Variants in SBK1 observed in about 807,000 individuals in gnomAD.
The protein encoded by SBK1 is serine/threonine-protein kinase SBK1.
SBK1 carries 11 observed loss-of-function variants against 24.4 expected under a neutral mutation model. The observed-to-expected ratio is 0.45, with a 90% CI of 0.28 to 0.75. SBK1 has a LOEUF of 0.75. SBK1 is among the 30% of genes least tolerant of loss of function. SBK1 has a pLI of 0.12. For synonymous variants in SBK1, 308 were observed against 284.4 expected (o/e 1.08, Z -0.83); for missense variants, 467 against 620.5 (o/e 0.75, Z 2.63).
intron 1 of SBK1, among the ~76,000 whole-genome samples, chr16:28,305,414 G>A (rs549397880): frequency 3.2e-4 from 49 of 151,996 alleles, no homozygotes; most frequent in Non-Finnish European, 6.2e-4. Context: ...GTTTCACCGT[G>A]TTGGTCAGGC....
At chr16:28,289,322 C>A (rs147600033), upstream of SBK1, among the ~76,000 whole-genome samples, 51 of 152,246 alleles carry the variant, frequency 3.3e-4, no homozygotes, top group Non-Finnish European at 5.6e-4. Flanking sequence ...GAATGAAATC[C>A]GAAACTCCTC....
chr16:28,318,250 G>T (rs947803431), intron 2 of SBK1, among the ~76,000 whole-genome samples: 22 of 152,300 alleles, frequency 1.4e-4, no homozygotes, highest in African/African-American at 5.3e-4. Flanking sequence ...CACCCAGCCA[G>T]CCAGGGGCTG....
In SBK1 at chr16:28,320,786, G is replaced by A. The variant is rs1474136298; in HGVS notation, c.1140G>A (p.Pro380=). 1.4e-6 allele frequency: 2 copies of A among 1,416,202 alleles called. No individual in the cohort carries two copies. The highest frequency in any genetic ancestry group is 2.4e-5 in the Admixed American group (1 of 41,398). The allele number at this position is 1,416,202 out of a possible 1,614,324, so 87.7% of individuals were successfully genotyped here. ...CGGTGCCCTTGCCCGTGCCGGTGCC[G>A]GTGCCAGTGCCCGTGCCGGTGCCTG... ...VGSVPLPVPV[P]VPVPVPVPVP... The change falls in exon 4 of 4, where the codon CCG becomes CCA. Residue 380 remains proline, a synonymous_variant. Transcript: ENST00000341901. This position sits in a 1 kb window ranked among gnomAD's most constrained non-coding sequence, Gnocchi z 8.5.
chr16:28,281,639 TC>T (rs1339975669), intron 1 of SBK1, among the ~76,000 whole-genome samples: 1 of 152,148 alleles, frequency 6.6e-6, no homozygotes, highest in Non-Finnish European at 1.5e-5. Context: ...GGTGCGCACT[TC>T]AGCAAAAGCC....
At chr16:28,299,798 T>A (rs1283088114) in intron 1 of SBK1, among the ~76,000 whole-genome samples, 1 of 152,194 alleles carries the variant, frequency 6.6e-6, no homozygotes, top group African/African-American at 2.4e-5. Flanking sequence ...TGCATCCCAC[T>A]TGGAGTGGAA....
intron 1 of SBK1, among the ~76,000 whole-genome samples, chr16:28,280,281 A>G (rs1370954324): frequency 2.8e-5 from 4 of 143,990 alleles, no homozygotes; most frequent in Non-Finnish European, 6.0e-5. Context: ...GTACATACAT[A>G]TGTATACATA....
At chr16:28,275,846 C>T (rs1295146451) in intron 1 of SBK1, among the ~76,000 whole-genome samples, 2 of 151,654 alleles carry the variant, frequency 1.3e-5, no homozygotes, top group South Asian at 2.1e-4. Flanking sequence ...CACTGCACTC[C>T]AGCACTCTGG....
chr16:28,299,798 T>C (rs1283088114), intron 1 of SBK1, among the ~76,000 whole-genome samples: 5 of 152,194 alleles, frequency 3.3e-5, no homozygotes, highest in African/African-American at 1.2e-4. Flanking sequence ...TGCATCCCAC[T>C]TGGAGTGGAA....
upstream of SBK1, among the ~76,000 whole-genome samples, chr16:28,289,327 C>A (rs2044584894): frequency 6.6e-6 from 1 of 152,200 alleles, no homozygotes; most frequent in Non-Finnish European, 1.5e-5. Context: ...AAATCCGAAA[C>A]TCCTCTACAT....
chr16:28,296,605 TG>T (rs1201905155), intron 1 of SBK1, among the ~76,000 whole-genome samples: 1 of 152,148 alleles, frequency 6.6e-6, no homozygotes, highest in Non-Finnish European at 1.5e-5. Flanking sequence ...CCCACCCCCA[TG>T]GTCAAGTTAG....
intron 1 of SBK1, among the ~76,000 whole-genome samples, chr16:28,267,151 C>T (rs1467538726): frequency 6.6e-6 from 1 of 152,112 alleles, no homozygotes; most frequent in Non-Finnish European, 1.5e-5. Context: ...AGGTGATCCA[C>T]CCACCTCAGC....
intron 1 of SBK1, among the ~76,000 whole-genome samples, chr16:28,306,185 C>G (rs1008764771): frequency 6.6e-6 from 1 of 152,064 alleles, no homozygotes; most frequent in Non-Finnish European, 1.5e-5. Flanking sequence ...GACCCTCTCA[C>G]CCTGGGCTGC....
Position 28,317,378 on chromosome 16 carries a change from C to G in SBK1, c.-7-7C>G. ...CACACTTCATGCTCACCACCCCTACCCAACAGGGAGAAGATGAGCGTGGGC... is the reference window on the plus strand; with the variant it reads ...CACACTTCATGCTCACCACCCCTACGCAACAGGGAGAAGATGAGCGTGGGC... On this transcript the variant is annotated splice_polypyrimidine_tract_variant and splice_region_variant and intron_variant, in intron 1 of 3. Coordinates refer to ENST00000341901, the MANE Select transcript of SBK1 (RefSeq NM_001024401.3). This position sits in a 1 kb window ranked among gnomAD's most constrained non-coding sequence, Gnocchi z 4.2. 1 of 1,609,132 alleles carries G rather than the reference C, an allele frequency of 6.2e-7. No homozygotes were observed. The highest frequency in any genetic ancestry group is 8.5e-7 in the Non-Finnish European group (1 of 1,175,932).
intron 1 of SBK1, among the ~76,000 whole-genome samples, chr16:28,311,560 G>A (rs1049275055): frequency 1.3e-5 from 2 of 151,980 alleles, no homozygotes; most frequent in Non-Finnish European, 2.9e-5. Context: ...AATTAGCTGT[G>A]CACCATGACG....
At chr16:28,293,376 G>A (rs1019761926) in intron 1 of SBK1, 76 bp downstream of exon 1, 1 of 742,618 alleles carries the variant, frequency 1.3e-6, no homozygotes, top group African/African-American at 1.9e-5. Flanking sequence ...GGGGAAGGAA[G>A]TATCGGGTTG....
chr16:28,298,597 A>G (rs560076637), intron 1 of SBK1, among the ~76,000 whole-genome samples: 12 of 152,350 alleles, frequency 7.9e-5, no homozygotes, highest in African/African-American at 2.9e-4. Context: ...GATTAAGTGG[A>G]TCTGTTGCAG....
chr16:28,268,882 TC>T (rs2044446200), intron 1 of SBK1, among the ~76,000 whole-genome samples: 1 of 152,098 alleles, frequency 6.6e-6, no homozygotes, highest in African/African-American at 2.4e-5. Flanking sequence ...AGCTCCAGTG[TC>T]CCCACTGTCC....
intron 1 of SBK1, chr16:28,285,138 C>T (rs1319132724): frequency 6.6e-6 from 1 of 152,212 alleles, no homozygotes; most frequent in South Asian, 2.1e-4. Flanking sequence ...GAGGTCTTAC[C>T]ATGTTGCCCA....
intron 1 of SBK1, among the ~76,000 whole-genome samples, chr16:28,284,469 G>C (rs2044553141): frequency 6.6e-6 from 1 of 152,232 alleles, no homozygotes. Context: ...TTGTTGCATA[G>C]CTTCCAGGGG....
Sources: allele counts gnomAD v4.1 joint callset (sites outside exome capture counted in the v4.1 genomes callset), GRCh38; gene constraint gnomAD v4.1.1; non-coding constraint Gnocchi (gnomAD v3.1); transcripts MANE v1.5; gene names NCBI Gene and HGNC (gene_info 2026-07-23, HGNC 2026-07-21).